Variants in UGT2B11 observed in about 807,000 individuals in gnomAD.
UGT2B11 encodes UDP glucuronosyltransferase family 2 member B11, also known as UDP-glucuronosyltransferase 2B11.
UGT2B11 carries 49 observed loss-of-function variants against 51.7 expected under a neutral mutation model. The observed-to-expected ratio is 0.95, with a 90% CI of 0.75 to 1.20. UGT2B11 has a LOEUF of 1.20. Among genes scored for constraint, UGT2B11 ranks in the 50% most tolerant of loss-of-function variants. The pLI is 0.00. For missense variants in UGT2B11, 810 were observed against 622.1 expected (o/e 1.30, Z -3.21); for synonymous variants, 273 against 209.0 (o/e 1.31, Z -2.64).
At chr4:69,202,137 C>A (rs1486994634) in intron 5 of UGT2B11, among the ~76,000 whole-genome samples, 1 of 151,684 alleles carries the variant, frequency 6.6e-6, no homozygotes, top group Non-Finnish European at 1.5e-5. Flanking sequence ...ATGTAGCATT[C>A]CATTGATTGA....
chr4:69,224,541 C>T, the UGT2B11 span, among the ~76,000 whole-genome samples: 1 of 152,018 alleles, frequency 6.6e-6, no homozygotes, highest in African/African-American at 2.4e-5. Flanking sequence ...CCCGGTTTAG[C>T]CTCTGAATTC....
At chr4:69,212,041 C>A (rs1170797305) in intron 2 of UGT2B11, among the ~76,000 whole-genome samples, 1 of 151,518 alleles carries the variant, frequency 6.6e-6, no homozygotes. Flanking sequence ...CCTATTCCTG[C>A]ATATTTTTTA....
chr4:69,210,387 T>C (rs1722016656), intron 2 of UGT2B11, among the ~76,000 whole-genome samples: 1 of 151,632 alleles, frequency 6.6e-6, no homozygotes, highest in African/African-American at 2.4e-5. Flanking sequence ...AAGTGTCTTA[T>C]TCTCTTAAAA....
the UGT2B11 span, among the ~76,000 whole-genome samples, chr4:69,220,916 G>T: frequency 6.6e-6 from 1 of 152,074 alleles, no homozygotes; most frequent in African/African-American, 2.4e-5. Flanking sequence ...CTAGAGAGTC[G>T]GTAGCTAATT....
Position 69,208,454 on chromosome 4 carries a change from C to A in UGT2B11, c.899G>T (p.Gly300Val). The A allele has an allele frequency of 6.2e-7, 1 of 1,609,452 alleles. No individual in the cohort carries two copies. The highest frequency in any genetic ancestry group is 8.5e-7 in the Non-Finnish European group (1 of 1,177,988). ...AGAAAACACCACAACACCATTTTCTCCAGAGCTCTGTACAAACTCCTCCAT... is the reference window on the plus strand; with the variant it reads ...AGAAAACACCACAACACCATTTTCTACAGAGCTCTGTACAAACTCCTCCAT... ...KEMEEFVQSS[G>V]ENGVVVFSLG... is the part of the protein sequence containing the mutation. Residue 300 changes from glycine to valine, a missense_variant, in exon 3 of 6, where the codon GGA becomes GTA. Transcript: ENST00000446444.
intron 2 of UGT2B11, among the ~76,000 whole-genome samples, chr4:69,209,684 C>T (rs1004237683): frequency 4.6e-5 from 7 of 151,532 alleles, no homozygotes; most frequent in African/African-American, 1.5e-4. Context: ...TACTATTCCA[C>T]GTAATACCTG....
chr4:69,208,797 T>C (rs570865780), intron 2 of UGT2B11, among the ~76,000 whole-genome samples: 84 of 151,708 alleles, frequency 5.5e-4, no homozygotes, highest in African/African-American at 2.0e-3. Flanking sequence ...ACCCTTCACT[T>C]ATAATACTAT....
the UGT2B11 span, among the ~76,000 whole-genome samples, chr4:69,220,142 T>A: frequency 6.6e-6 from 1 of 152,162 alleles, no homozygotes; most frequent in East Asian, 1.9e-4. Flanking sequence ...AAGTCCGAAA[T>A]CCAGGTAAGG....
intron 4 of UGT2B11, 121 bp downstream of exon 4, chr4:69,205,359 G>GA: frequency 1.5e-6 from 2 of 1,350,542 alleles, no homozygotes; most frequent in Non-Finnish European, 2.0e-6. Context: ...CCTAGGACTG[G>GA]AAAATAAATA....
the UGT2B11 span, among the ~76,000 whole-genome samples, chr4:69,224,893 G>T: frequency 6.6e-6 from 1 of 152,140 alleles, no homozygotes; most frequent in African/African-American, 2.4e-5. Flanking sequence ...ATACATGTGT[G>T]GGAAGATGTT....
At chr4:69,206,840 T>A (rs1390932936) in intron 3 of UGT2B11, among the ~76,000 whole-genome samples, 1 of 151,642 alleles carries the variant, frequency 6.6e-6, no homozygotes, top group East Asian at 2.0e-4. Flanking sequence ...GAGAAGTAGT[T>A]TAAATGTATC....
chr4:69,204,735 T>G, intron 4 of UGT2B11, 86 bp from the exon 5 acceptor site: 1 of 1,591,634 alleles, frequency 6.3e-7, no homozygotes, highest in Non-Finnish European at 8.6e-7. Context: ...CAGTGTTTTC[T>G]AGATAACACA....
upstream of UGT2B11, among the ~76,000 whole-genome samples, chr4:69,217,459 A>G (rs1577969360): frequency 6.6e-6 from 1 of 152,242 alleles, no homozygotes; most frequent in East Asian, 1.9e-4. Context: ...GAGTGCATGC[A>G]TTATGTGTCA....
intron 2 of UGT2B11, 33 bp from the exon 3 acceptor site, chr4:69,208,515 G>C: frequency 6.2e-7 from 1 of 1,605,184 alleles, no homozygotes; most frequent in African/African-American, 1.3e-5. Flanking sequence ...TCACAAAAGA[G>C]TATCACCACA....
At chr4:69,213,644 A>T (rs1483312726) in intron 1 of UGT2B11, among the ~76,000 whole-genome samples, 1 of 151,812 alleles carries the variant, frequency 6.6e-6, no homozygotes, top group Non-Finnish European at 1.5e-5. Flanking sequence ...ATGTGTAATT[A>T]CTCATTCTAT....
At chr4:69,210,971 A>G (rs1722038626) in intron 2 of UGT2B11, 5 of 151,608 alleles carry the variant, frequency 3.3e-5, no homozygotes, top group Admixed American at 3.3e-4. Flanking sequence ...GTTTCTTCAT[A>G]TTGAAACTAA....
upstream of UGT2B11, chr4:69,216,620 C>T (rs904072721): frequency 1.6e-4 from 24 of 151,380 alleles, no homozygotes; most frequent in Admixed American, 2.6e-4. Flanking sequence ...AACAAAAAAG[C>T]CCATTTCTTA....
At chr4:69,208,073 AG>A (rs1387720350) in intron 3 of UGT2B11, among the ~76,000 whole-genome samples, 2 of 151,590 alleles carry the variant, frequency 1.3e-5, no homozygotes, top group East Asian at 3.9e-4. Flanking sequence ...ATGAGTCTCA[AG>A]TTCCCTGTTG....
upstream of UGT2B11, among the ~76,000 whole-genome samples, chr4:69,218,720 C>A (rs62300460): frequency 0.21 from 31,539 of 151,752 alleles, 3,674 homozygotes; most frequent in African/African-American, 0.31. Context: ...AAAGATAGTT[C>A]ATTGAAAGCT....
Sources: gnomAD v4.1 joint callset for allele counts (sites outside exome capture counted in the v4.1 genomes callset) on GRCh38, gnomAD v4.1.1 for gene constraint, MANE v1.5 for transcripts, NCBI Gene and HGNC (gene_info 2026-07-23, HGNC 2026-07-21) for gene names.